KMT2C: variants seen among roughly 807,000 people sequenced by gnomAD.
KMT2C encodes lysine methyltransferase 2C.
In KMT2C, 88 loss-of-function variants were observed where a neutral mutation model predicts 507.9. The ratio of observed to expected loss-of-function variants is 0.17; its 90% CI spans 0.15 to 0.21. The LOEUF is 0.21. Ranked by LOEUF, KMT2C falls within the 10% of genes least tolerant of loss-of-function variation. KMT2C has a pLI of 1.00. For missense variants in KMT2C, 4,954 were observed against 5,957.8 expected (o/e 0.83, Z 5.55); for synonymous variants, 2,049 against 2,080.8 (o/e 0.98, Z 0.42).
intron 34 of KMT2C, among the ~76,000 whole-genome samples, chr7:152,183,452 C>G (rs1002362782): frequency 6.6e-6 from 1 of 152,154 alleles, no homozygotes; most frequent in Non-Finnish European, 1.5e-5. Flanking sequence ...GAAATTATGT[C>G]TCCTTCAATT....
At chr7:152,200,168 G>C (rs2094089769) in intron 26 of KMT2C, among the ~76,000 whole-genome samples, 1 of 152,110 alleles carries the variant, frequency 6.6e-6, no homozygotes, top group Non-Finnish European at 1.5e-5. Context: ...CTGGAAAAAG[G>C]ATCCTCCATA....
chr7:152,388,341 C>T (rs2097452703), intron 1 of KMT2C, among the ~76,000 whole-genome samples: 1 of 151,900 alleles, frequency 6.6e-6, no homozygotes, highest in African/African-American at 2.4e-5. Context: ...GGTGGACCTC[C>T]TGAGGTCAGG....
At chr7:152,289,508 G>A (rs894792616) in intron 6 of KMT2C, among the ~76,000 whole-genome samples, 2 of 152,132 alleles carry the variant, frequency 1.3e-5, no homozygotes, top group Non-Finnish European at 2.9e-5. Flanking sequence ...TGAAATAAAT[G>A]CTTTTTTCAT....
chr7:152,252,173 G>T (rs1477914187), intron 10 of KMT2C, 83 bp from the exon 11 acceptor site: 26 of 1,003,184 alleles, frequency 2.6e-5, no homozygotes, highest in Non-Finnish European at 3.7e-5. Context: ...TGAAAAGCTG[G>T]ATATGAAAAC....
rs554855718 is a variant in KMT2C at position 152,140,016 on chromosome 7, A to G, written c.14344-225T>C. On this transcript the variant is annotated intron_variant, in intron 55 of 58. Coordinates refer to ENST00000262189, the MANE Select transcript of KMT2C (RefSeq NM_170606.3). ...TTATTCCTACATCTTTTTTAGCACT[A>G]AATTCTTAGAGTCTATGTATAAAGT... is the stretch of plus-strand genomic sequence containing the variant. 2.6e-5 allele frequency among the ~76,000 whole-genome samples: 4 copies of G among 152,176 alleles called. No individual in the cohort carries two copies. The South Asian group carries it at 8.3e-4, about 32-fold the overall frequency.
intron 1 of KMT2C, among the ~76,000 whole-genome samples, chr7:152,396,827 C>T (rs2097540773): frequency 6.6e-6 from 1 of 152,164 alleles, no homozygotes; most frequent in African/African-American, 2.4e-5. Flanking sequence ...TGGAGGGCAA[C>T]TAATGAATAT....
At chr7:152,370,990 TA>T (rs1178753423) in intron 1 of KMT2C, among the ~76,000 whole-genome samples, 4 of 152,160 alleles carry the variant, frequency 2.6e-5, no homozygotes, top group Non-Finnish European at 1.5e-5. Context: ...AGACCTGCCT[TA>T]CAAGAAATGC....
intron 9 of KMT2C, among the ~76,000 whole-genome samples, chr7:152,257,095 A>C (rs1244990097): frequency 6.6e-6 from 1 of 152,214 alleles, no homozygotes; most frequent in East Asian, 1.9e-4. Context: ...AAATATCGTA[A>C]ACTACTGAAA....
intron 6 of KMT2C, among the ~76,000 whole-genome samples, chr7:152,280,859 T>A (rs2096196288): frequency 6.6e-6 from 1 of 152,156 alleles, no homozygotes; most frequent in Non-Finnish European, 1.5e-5. Context: ...GATTTTTTTT[T>A]AAACATTATA....
intron 16 of KMT2C, among the ~76,000 whole-genome samples, chr7:152,234,556 T>G (rs549602481): frequency 6.6e-6 from 1 of 152,314 alleles, no homozygotes; most frequent in South Asian, 2.1e-4. Flanking sequence ...ATTCATTCTA[T>G]GAAGCTGTAG....
Position 152,145,443 on chromosome 7 carries a change from A to G in KMT2C, c.14032-148T>C, listed in dbSNP as rs1039358351. On this transcript the variant is annotated intron_variant, in intron 53 of 58. Coordinates refer to ENST00000262189, the MANE Select transcript of KMT2C (RefSeq NM_170606.3). ...TGGTCTTCTAGCTTATGTTAACACT[A>G]TTGGCCTGCAGGTAGATCTACTTAA... is the stretch of plus-strand genomic sequence containing the variant. The G allele has an allele frequency of 1.2e-5, 9 of 763,716 alleles. No homozygotes were observed. In the African/African-American group the frequency reaches 1.6e-4, roughly 14 times the overall value. The allele number at this position is 763,716 out of a possible 1,614,324, so 47.3% of individuals were successfully genotyped here.
intron 1 of KMT2C, chr7:152,367,764 G>C: frequency 2.0e-6 from 2 of 1,025,022 alleles, no homozygotes; most frequent in Non-Finnish European, 3.1e-6. Context: ...TAGTAAATCT[G>C]AGGACTACCT....
rs1019641819 is a variant in KMT2C, at chr7:152,144,733, G to A, written c.14323C>T (p.Leu4775=). The change falls in exon 55 of 59, where the codon CTG becomes TTG. Residue 4775 remains leucine (L), a synonymous_variant. Coordinates refer to ENST00000262189, the MANE Select transcript of KMT2C (RefSeq NM_170606.3). The surrounding 1 kb of genome is among the most constrained non-coding windows in gnomAD (Gnocchi z 4.4). ...MKTEWKSNVY[L]ARSRIQGLGL... ...TTCACCTGAATCCGAGACCGTGCCAGATACACATTGGATTTCCATTCAGTT... is the reference window on the plus strand; with the variant it reads ...TTCACCTGAATCCGAGACCGTGCCAAATACACATTGGATTTCCATTCAGTT... The A allele has an allele frequency of 5.0e-6, 8 of 1,613,948 alleles. No individual in the cohort carries two copies. The Admixed American group carries it at 1.3e-4, about 27-fold the overall frequency.
At chr7:152,189,766 T>C (rs768149901) in intron 31 of KMT2C, among the ~76,000 whole-genome samples, 43 of 152,170 alleles carry the variant, frequency 2.8e-4, no homozygotes, top group Non-Finnish European at 4.7e-4. Context: ...ATGACAAATA[T>C]CTCATGACAC....
intron 1 of KMT2C, among the ~76,000 whole-genome samples, chr7:152,390,188 C>T (rs912029850): frequency 8.6e-5 from 13 of 151,598 alleles, no homozygotes; most frequent in Non-Finnish European, 1.3e-4. Flanking sequence ...CAAACCTGCA[C>T]GTGTACCCCC....
At chr7:152,245,443 G>A (rs2095455578) in intron 14 of KMT2C, among the ~76,000 whole-genome samples, 2 of 152,064 alleles carry the variant, frequency 1.3e-5, no homozygotes, top group African/African-American at 4.8e-5. Context: ...ATATTGTTTT[G>A]AATATACCAG....
intron 1 of KMT2C, among the ~76,000 whole-genome samples, chr7:152,417,657 G>A (rs2097753544): frequency 1.3e-5 from 2 of 152,104 alleles, no homozygotes; most frequent in South Asian, 4.2e-4. Flanking sequence ...TGTTGTTGTT[G>A]TTGAGACGGA....
chr7:152,356,133 T>C (rs2129229452), intron 2 of KMT2C, among the ~76,000 whole-genome samples: 2 of 152,288 alleles, frequency 1.3e-5, no homozygotes, highest in Admixed American at 1.3e-4. Context: ...ATAGATTTGA[T>C]GGTAGATGAA....
chr7:152,192,595 T>C lies in KMT2C; in HGVS notation c.4660+1414A>G, dbSNP rs181176935. Reference sequence around the variant, plus strand: ...GGAACAATTAAGGCAAGAATAGTTATATGATAAGTATATTACCCAAATGTA... The same window carrying C: ...GGAACAATTAAGGCAAGAATAGTTACATGATAAGTATATTACCCAAATGTA... On this transcript the variant is annotated intron_variant, in intron 31 of 58. Transcript: ENST00000262189. Among the ~76,000 whole-genome samples the C allele has an allele frequency of 4.9e-4, 74 of 151,984 alleles. 1 individual carries two copies. Among genetic ancestry groups the C allele is most frequent in the Admixed American group, 2.0e-3 (30 of 15,268 alleles).
Sources: allele counts gnomAD v4.1 joint callset (sites outside exome capture counted in the v4.1 genomes callset), GRCh38; gene constraint gnomAD v4.1.1; non-coding constraint Gnocchi (gnomAD v3.1); transcripts MANE v1.5; gene names NCBI Gene and HGNC (gene_info 2026-07-23, HGNC 2026-07-21).